The following USP28 variants were observed in gnomAD, a reference collection of about 807,000 sequenced individuals.
USP28 encodes ubiquitin carboxyl-terminal hydrolase 28.
In USP28, 113 loss-of-function variants were observed where a neutral mutation model predicts 145.0. The ratio of observed to expected loss-of-function variants is 0.78; its 90% CI spans 0.67 to 0.91. The LOEUF (loss-of-function observed/expected upper bound fraction) is 0.91, where lower values mean the gene tolerates loss of function less well. USP28 is among the 40% of genes least tolerant of loss of function. The pLI is 0.00. For synonymous variants in USP28, 447 were observed against 450.9 expected (o/e 0.99, Z 0.11); for missense variants, 1,201 against 1,289.6 (o/e 0.93, Z 1.05).
At chr11:113,800,740 C>G (rs536234967) in intron 24 of USP28, among the ~76,000 whole-genome samples, 1 of 152,138 alleles carries the variant, frequency 6.6e-6, no homozygotes, top group African/African-American at 2.4e-5. Context: ...CAAGGACAGT[C>G]CACTAATTAA....
chr11:113,803,210 C>A, exon 23 of USP28: 1 of 1,614,046 alleles, frequency 6.2e-7, no homozygotes, highest in African/African-American at 1.3e-5. Context: ...GACCCCCCGG[C>A]GGGGCCCCTT....
intron 15 of USP28, 87 bp from the exon 16 acceptor site, chr11:113,812,591 G>C (rs574677103): frequency 1.4e-4 from 165 of 1,151,026 alleles, no homozygotes; most frequent in Admixed American, 3.6e-4. Flanking sequence ...TGTTTATGAT[G>C]TGATTAATGT....
chr11:113,856,240 C>A (rs189504724), intron 1 of USP28, among the ~76,000 whole-genome samples: 5 of 152,242 alleles, frequency 3.3e-5, no homozygotes, highest in Admixed American at 2.0e-4. Flanking sequence ...ACAAATCACA[C>A]ATAATTTTCT....
chr11:113,799,393 C>T, exon 25 of USP28: 2 of 1,613,664 alleles, frequency 1.2e-6, no homozygotes, highest in Non-Finnish European at 1.7e-6. Flanking sequence ...GTAGAAACTC[C>T]CCTAGGCACA....
intron 1 of USP28, among the ~76,000 whole-genome samples, chr11:113,866,276 A>G (rs1458946359): frequency 1.3e-5 from 2 of 152,246 alleles, no homozygotes; most frequent in African/African-American, 4.8e-5. Context: ...TAGGTGACAG[A>G]GCCAGACTCT....
intron 3 of USP28, among the ~76,000 whole-genome samples, chr11:113,852,159 G>C (rs1431111318): frequency 6.6e-6 from 1 of 152,164 alleles, no homozygotes; most frequent in Non-Finnish European, 1.5e-5. Flanking sequence ...CTCCCGAGCA[G>C]CTGGGACTAC....
At chr11:113,802,323 T>C (rs1287762133) in intron 23 of USP28, among the ~76,000 whole-genome samples, 1 of 152,226 alleles carries the variant, frequency 6.6e-6, no homozygotes, top group East Asian at 1.9e-4. Context: ...GCCACACCTA[T>C]AACTAATACA....
At position 113,812,258 on chromosome 11, in the gene USP28, C is replaced by A; in HGVS notation, c.1972+18G>T. 2 of 1,601,268 alleles carry A rather than the reference C, an allele frequency of 1.2e-6. No individual in the cohort carries two copies. The highest frequency in any genetic ancestry group is 1.7e-6 in the Non-Finnish European group (2 of 1,170,364). Reference sequence around the variant, plus strand: ...ACAGATTTTCCCCAATCTATAGATTCTGCCAAGATACTTTTACCTGCATTG... The same window carrying A: ...ACAGATTTTCCCCAATCTATAGATTATGCCAAGATACTTTTACCTGCATTG... On this transcript the variant is annotated intron_variant, in intron 16 of 24. Transcript: ENST00000003302.
intron 24 of USP28, 99 bp from the exon 26 acceptor site, chr11:113,799,514 A>C: frequency 7.4e-7 from 1 of 1,353,006 alleles, no homozygotes; most frequent in Non-Finnish European, 1.0e-6. Flanking sequence ...CTCAAAGGTC[A>C]AAGCATTATG....
intron 10 of USP28, 187 bp downstream of exon 10, chr11:113,829,010 G>A (rs968700069): frequency 6.4e-6 from 5 of 783,840 alleles, no homozygotes; most frequent in Non-Finnish European, 1.1e-5. Context: ...CATAGTTTTA[G>A]TAAAAATTAT....
At chr11:113,848,540 G>A (rs1565460346) in intron 3 of USP28, among the ~76,000 whole-genome samples, 1 of 152,178 alleles carries the variant, frequency 6.6e-6, no homozygotes, top group Non-Finnish European at 1.5e-5. Flanking sequence ...AATGCACTGT[G>A]ATTTCAAAAC....
intron 1 of USP28, 30 bp downstream of exon 1, chr11:113,875,415 C>T (rs1949280254): frequency 2.4e-6 from 3 of 1,234,892 alleles, no homozygotes; most frequent in Non-Finnish European, 3.0e-6. Flanking sequence ...GAGCCCGCCC[C>T]CAGCTCCCGC....
chr11:113,864,969 T>C (rs1948116970), intron 1 of USP28, among the ~76,000 whole-genome samples: 1 of 152,050 alleles, frequency 6.6e-6, no homozygotes, highest in Non-Finnish European at 1.5e-5. Context: ...CCCAAGTAGG[T>C]GGGAACACAG....
intron 1 of USP28, among the ~76,000 whole-genome samples, chr11:113,854,732 G>A (rs1468872326): frequency 2.0e-5 from 3 of 152,068 alleles, no homozygotes; most frequent in Non-Finnish European, 4.4e-5. Context: ...GAACCAACAA[G>A]CTCCAAGAAA....
At chr11:113,826,031 T>C (rs1943246116) in intron 11 of USP28, among the ~76,000 whole-genome samples, 1 of 152,046 alleles carries the variant, frequency 6.6e-6, no homozygotes, top group Admixed American at 6.5e-5. Flanking sequence ...ACGCCTATAA[T>C]CCCAGCACTT....
At chr11:113,827,430 A>C (rs1275009789) in intron 10 of USP28, 70 bp from the exon 11 acceptor site, 7 of 1,456,696 alleles carry the variant, frequency 4.8e-6, no homozygotes, top group Non-Finnish European at 6.4e-6. Flanking sequence ...CCAGATTTAA[A>C]ATATCTCTCA....
At chr11:113,866,722 C>A (rs1948284185) in intron 1 of USP28, among the ~76,000 whole-genome samples, 1 of 152,204 alleles carries the variant, frequency 6.6e-6, no homozygotes, top group Admixed American at 6.5e-5. Flanking sequence ...CCCCAGCAAC[C>A]TTGGAAAACA....
chr11:113,861,511 C>T (rs1947693654), intron 1 of USP28, among the ~76,000 whole-genome samples: 1 of 152,054 alleles, frequency 6.6e-6, no homozygotes, highest in South Asian at 2.1e-4. Context: ...GGGGTTAAAA[C>T]TGGGACTTAA....
At chr11:113,844,223 G>A (rs144166462) in intron 3 of USP28, among the ~76,000 whole-genome samples, 12 of 152,056 alleles carry the variant, frequency 7.9e-5, no homozygotes, top group African/African-American at 2.7e-4. Flanking sequence ...GGTGGATCAC[G>A]AGGTCAGGAG....
Sources: allele counts gnomAD v4.1 joint callset (sites outside exome capture counted in the v4.1 genomes callset), GRCh38; gene constraint gnomAD v4.1.1; transcripts MANE v1.5; gene names NCBI Gene and HGNC (gene_info 2026-07-23, HGNC 2026-07-21).